The following NCKAP1 variants were observed in gnomAD, a reference collection of about 807,000 sequenced individuals.
NCKAP1 encodes NCK associated protein 1.
NCKAP1 carries 21 observed loss-of-function variants against 151.2 expected under a neutral mutation model. The observed-to-expected ratio is 0.14, with a 90% confidence interval of 0.10 to 0.20. The LOEUF is 0.20. NCKAP1 is among the 10% of genes least tolerant of loss of function. NCKAP1 has a pLI of 1.00. For synonymous variants in NCKAP1, 484 were observed against 451.8 expected (o/e 1.07, Z -0.90); for missense variants, 933 against 1,352.1 (o/e 0.69, Z 4.86).
At position 182,920,372 on chromosome 2, in the gene NCKAP1, T is replaced by C. The variant is rs1439187451; in HGVS notation, c.*5330A>G. On this transcript the variant is annotated 3_prime_UTR_variant, in exon 31 of 31. Coordinates refer to ENST00000361354, the MANE Select transcript of NCKAP1 (RefSeq NM_013436.5). ...CATGCAATTAAAGATGACATGAACA[T>C]AGACATTCAGAAGCAACACTGTCAT... The C allele has an allele frequency of 6.6e-6, 1 of 152,176 alleles. No homozygotes were observed. Among genetic ancestry groups the C allele is most frequent in the Non-Finnish European group, 1.5e-5 (1 of 68,020 alleles). The allele number at this position is 152,176 out of a possible 1,614,324, so 9.4% of individuals were successfully genotyped here. A position where few individuals can be genotyped will look rare whatever the true frequency, so the allele number is the denominator to read the frequency against.
Position 182,982,868 on chromosome 2 carries a change from A to C in NCKAP1, c.1161T>G (p.Arg387=). ...TCTTCTTTGGCATGTTATCTGCATG[A>C]CGAAGTAGCCAGATGATTTCATCAC... The part of the protein sequence containing the change: ...FARDEIIWLL[R]HADNMPKKSA... Residue 387 remains arginine (R), a synonymous_variant, in exon 12 of 31, where the codon CGT becomes CGG. Transcript: ENST00000361354. 1.2e-6 allele frequency: 2 copies of C among 1,612,208 alleles called. No individual in the cohort carries two copies. The highest frequency in any genetic ancestry group is 1.7e-6 in the Non-Finnish European group (2 of 1,179,138).
intron 8 of NCKAP1, among the ~76,000 whole-genome samples, chr2:182,990,351 T>G (rs551699882): frequency 1.3e-5 from 2 of 152,174 alleles, no homozygotes; most frequent in South Asian, 4.1e-4. Context: ...ATGCTTCTTA[T>G]AGTTGAAGAA....
chr2:182,953,017 T>C (rs56131696), intron 21 of NCKAP1, 94 bp from the exon 22 acceptor site: 19,687 of 1,477,318 alleles, frequency 0.013, 165 homozygotes, highest in Non-Finnish European at 0.016. Flanking sequence ...AGTTGACTGA[T>C]AATATGAATA....
At chr2:182,932,923 G>A (rs1696795299) in intron 26 of NCKAP1, among the ~76,000 whole-genome samples, 1 of 152,054 alleles carries the variant, frequency 6.6e-6, no homozygotes. Flanking sequence ...GATCTCAAAT[G>A]TTTATTCTGC....
chr2:183,030,561 CAAG>C (rs1389248607), intron 1 of NCKAP1, among the ~76,000 whole-genome samples: 1 of 152,074 alleles, frequency 6.6e-6, no homozygotes, highest in Non-Finnish European at 1.5e-5. Flanking sequence ...TGAATAATGT[CAAG>C]GATGAGGAGA....
At chr2:183,010,122 T>C (rs1241736257) in intron 2 of NCKAP1, among the ~76,000 whole-genome samples, 2 of 152,202 alleles carry the variant, frequency 1.3e-5, no homozygotes, top group African/African-American at 2.4e-5. Context: ...AAAATTTGTG[T>C]CCATGCCTCC....
In NCKAP1 at chr2:182,912,701, T is replaced by G. The variant is rs1680065337; in HGVS notation, c.*13001A>C. Reference sequence around the variant, plus strand: ...TAGAGTGCAACCTGACAAAATGATTTATTACTCCTTCGTCATTGAAACTAA... The same window carrying G: ...TAGAGTGCAACCTGACAAAATGATTGATTACTCCTTCGTCATTGAAACTAA... On this transcript the variant is annotated 3_prime_UTR_variant, in exon 31 of 31. Transcript: ENST00000361354. 1 of 152,196 alleles carries G rather than the reference T, an allele frequency of 6.6e-6. No individual in the cohort carries two copies. The highest frequency in any genetic ancestry group is 6.5e-5 in the Admixed American group (1 of 15,278). The allele number at this position is 152,196 out of a possible 1,614,324, so 9.4% of individuals were successfully genotyped here.
At chr2:182,989,689 G>T (rs1158145236) in intron 8 of NCKAP1, among the ~76,000 whole-genome samples, 2 of 152,068 alleles carry the variant, frequency 1.3e-5, no homozygotes, top group Non-Finnish European at 1.5e-5. Context: ...TCCAGCCTGG[G>T]TGACAGACCC....
chr2:182,955,125 C>T (rs1358211529), intron 20 of NCKAP1, among the ~76,000 whole-genome samples: 1 of 152,206 alleles, frequency 6.6e-6, no homozygotes, highest in Non-Finnish European at 1.5e-5. Flanking sequence ...CCAGACTCTT[C>T]TCAAGTCAAC....
chr2:182,994,989 T>C, intron 7 of NCKAP1, 102 bp from the exon 8 acceptor site: 2 of 906,694 alleles, frequency 2.2e-6, no homozygotes, highest in South Asian at 3.2e-5. Context: ...ACTACCCAAT[T>C]CTTCGCCCAA....
chr2:182,962,823 G>GA (rs75963920), intron 17 of NCKAP1, among the ~76,000 whole-genome samples: 8,818 of 119,490 alleles, frequency 0.074, 350 homozygotes, highest in Non-Finnish European at 0.11. Flanking sequence ...CTCCCAGGAA[G>GA]AAAAAAAAAA....
rs1696414053 is a variant in NCKAP1 at position 182,912,721 on chromosome 2, A to G, written c.*12981T>C. 1 of 152,184 alleles carries G rather than the reference A, an allele frequency of 6.6e-6. No homozygotes were observed. Among genetic ancestry groups the G allele is most frequent in the South Asian group, 2.1e-4 (1 of 4,828 alleles). 9.4% of individuals were successfully genotyped at this position (152,184 alleles called of 1,614,324 possible). ...TGATTTATTACTCCTTCGTCATTGA[A>G]ACTAATACACGCTCTAACCTTTATA... On this transcript the variant is annotated 3_prime_UTR_variant, in exon 31 of 31. Coordinates refer to ENST00000361354, the MANE Select transcript of NCKAP1 (RefSeq NM_013436.5).
At chr2:182,988,215 C>T (rs1306433304) in intron 9 of NCKAP1, among the ~76,000 whole-genome samples, 1 of 152,248 alleles carries the variant, frequency 6.6e-6, no homozygotes, top group African/African-American at 2.4e-5. Flanking sequence ...TATTGGCTTA[C>T]ATTTAGCGTC....
intron 2 of NCKAP1, among the ~76,000 whole-genome samples, chr2:183,015,478 G>T (rs748742870): frequency 1.6e-4 from 24 of 150,322 alleles, no homozygotes; most frequent in Non-Finnish European, 2.8e-4. Context: ...AGGAAAGTAG[G>T]CTCCAGGAAA....
At chr2:182,930,831 A>C (rs755630086) in intron 26 of NCKAP1, 43 bp from the exon 27 acceptor site, 4 of 1,533,714 alleles carry the variant, frequency 2.6e-6, no homozygotes, top group Non-Finnish European at 3.6e-6. Context: ...ATAGTCTAAC[A>C]AATTTCTGAG....
chr2:182,912,124 G>C lies in NCKAP1; in HGVS notation c.*13578C>G, dbSNP rs1278878989. The C allele has an allele frequency of 6.6e-6, 1 of 151,870 alleles. No homozygotes were observed. Among genetic ancestry groups the C allele is most frequent in the East Asian group, 1.9e-4 (1 of 5,194 alleles). 9.4% of individuals were successfully genotyped at this position (151,870 alleles called of 1,614,324 possible). A position where few individuals can be genotyped will look rare whatever the true frequency, so the allele number is the denominator to read the frequency against. ...CAGAGGTTGTAATTTTTTTTTCTCA[G>C]CATAGGACAGACTGAAAAAGAAAAT... On this transcript the variant is annotated 3_prime_UTR_variant, in exon 31 of 31. Transcript: ENST00000361354.
rs144939357 is a variant in NCKAP1 at position 182,976,963 on chromosome 2, GAAA to G, written c.1424-15_1424-13del. ...TTCCCCATCTTCAACTGTAGTAATA[GAAA>G]AAAAAAAAAGATTACAAAGCAAATT... On this transcript the variant is annotated splice_polypyrimidine_tract_variant and intron_variant, in intron 14 of 30. Transcript: ENST00000361354. 26 of 1,173,358 alleles carry G rather than the reference GAAA, an allele frequency of 2.2e-5. No homozygotes were observed. Among genetic ancestry groups the G allele is most frequent in the Admixed American group, 5.9e-5 (2 of 33,634 alleles). The allele number at this position is 1,173,358 out of a possible 1,614,324, so 72.7% of individuals were successfully genotyped here.
Position 182,915,348 on chromosome 2 carries a change from G to A in NCKAP1, c.*10354C>T, listed in dbSNP as rs1696450861. 2 of 152,188 alleles carry A rather than the reference G, an allele frequency of 1.3e-5. No homozygotes were observed. The allele number at this position is 152,188 out of a possible 1,614,324, so 9.4% of individuals were successfully genotyped here. ...AAGAGAGAATAGTTGAGAGTTGAGT[G>A]ATCTATCCTTCAAACTACAGGCATG... On this transcript the variant is annotated 3_prime_UTR_variant, in exon 31 of 31. Coordinates refer to ENST00000361354, the MANE Select transcript of NCKAP1 (RefSeq NM_013436.5).
chr2:182,958,200 T>A (rs1464750786), intron 18 of NCKAP1, among the ~76,000 whole-genome samples: 1 of 152,234 alleles, frequency 6.6e-6, no homozygotes, highest in Non-Finnish European at 1.5e-5. Flanking sequence ...CAGGCTGGAA[T>A]GCAATGGCAC....
Sources: allele counts gnomAD v4.1 joint callset (sites outside exome capture counted in the v4.1 genomes callset), GRCh38; gene constraint gnomAD v4.1.1; transcripts MANE v1.5; gene names NCBI Gene and HGNC (gene_info 2026-07-23, HGNC 2026-07-21).